FRMPD3: variants seen among roughly 807,000 people sequenced by gnomAD.
The protein encoded by FRMPD3 is FERM and PDZ domain-containing protein 3.
FRMPD3 carries 42 observed loss-of-function variants against 97.9 expected under a neutral mutation model. The observed-to-expected ratio is 0.43, with a 90% CI of 0.34 to 0.55. FRMPD3 has a LOEUF of 0.55. FRMPD3 is among the 20% of genes least tolerant of loss of function. The pLI, the probability that FRMPD3 is intolerant of heterozygous loss-of-function variation, is 0.03. For missense variants in FRMPD3, 1,303 were observed against 1,457.7 expected, an observed-to-expected ratio of 0.89 and a Z score of 1.73; for synonymous variants, 577 against 581.1, an observed-to-expected ratio of 0.99 and a Z score of 0.10.
chrX:107,495,791 A>C (rs1307987101), intron 1 of FRMPD3, among the ~76,000 whole-genome samples: 9 of 112,801 alleles, frequency 8.0e-5, no homozygotes, highest in African/African-American at 2.9e-4. Context: ...TAGTAAACAC[A>C]TAATGACCAC....
chrX:107,587,331 G>A (rs1048884987), intron 13 of FRMPD3, among the ~76,000 whole-genome samples: 6 of 110,227 alleles, frequency 5.4e-5, no homozygotes, highest in Admixed American at 4.9e-4. Flanking sequence ...CTTATTCTGA[G>A]CCTATGTGTG....
At chrX:107,476,165 G>A (rs1449459797) in intron 1 of FRMPD3, among the ~76,000 whole-genome samples, 13 of 112,449 alleles carry the variant, frequency 1.2e-4, no homozygotes, top group African/African-American at 3.6e-4. Context: ...GATTACAGGC[G>A]TGAGCCACCA....
intron 8 of FRMPD3, among the ~76,000 whole-genome samples, chrX:107,559,908 T>C (rs932853844): frequency 1.8e-5 from 2 of 109,199 alleles, no homozygotes; most frequent in Admixed American, 9.8e-5. Context: ...TGGGGGTGAG[T>C]ATAACCCCCA....
In FRMPD3 at chrX:107,533,570, A is replaced by T. The variant is rs889301037; in HGVS notation, c.297+20A>T. 8.4e-7 allele frequency: 1 copy of T among 1,189,347 alleles called. No homozygotes were observed. Among genetic ancestry groups the T allele is most frequent in the Non-Finnish European group, 1.1e-6 (1 of 877,864 alleles). Reference sequence around the variant, plus strand: ...CATCAGGTGAGTGAGCCTCTTTGCCATCTGCCCTTCCTCCTGACTGAGAAG... The same window carrying T: ...CATCAGGTGAGTGAGCCTCTTTGCCTTCTGCCCTTCCTCCTGACTGAGAAG... On this transcript the variant is annotated intron_variant, in intron 4 of 14. Transcript: ENST00000683843.
intron 10 of FRMPD3, among the ~76,000 whole-genome samples, chrX:107,561,655 T>C (rs761955452): frequency 3.5e-4 from 39 of 112,481 alleles, no homozygotes; most frequent in Non-Finnish European, 6.9e-4. Flanking sequence ...TGAGACGCAC[T>C]AGAATCAGCA....
intron 1 of FRMPD3, among the ~76,000 whole-genome samples, chrX:107,477,390 G>A (rs899749943): frequency 8.9e-6 from 1 of 112,098 alleles, no homozygotes; most frequent in Non-Finnish European, 1.9e-5. Flanking sequence ...GAGAACTGTT[G>A]GGGGAGAGGC....
intron 13 of FRMPD3, among the ~76,000 whole-genome samples, chrX:107,584,298 TTTCCTTGTAAATTTGTTTAAG>T (rs1357786020): frequency 8.9e-6 from 1 of 111,989 alleles, no homozygotes; most frequent in Non-Finnish European, 1.9e-5. Flanking sequence ...GTTTGTTTTT[TTTCCTTGTAAATTTGTTTAAG>T]TTCCTTGTAA....
At chrX:107,480,868 A>AAAGGAAGGAAGGAAGG (rs201864947) in intron 1 of FRMPD3, among the ~76,000 whole-genome samples, 2 of 66,677 alleles carry the variant, frequency 3.0e-5, no homozygotes, top group African/African-American at 1.1e-4. Context: ...GGAAAGAAAG[A>AAAGGAAGGAAGGAAGG]AAGGAAGGAA....
At chrX:107,517,121 T>C (rs1281340026) in intron 1 of FRMPD3, among the ~76,000 whole-genome samples, 1 of 112,210 alleles carries the variant, frequency 8.9e-6, no homozygotes, top group Non-Finnish European at 1.9e-5. Flanking sequence ...CAGCACCATT[T>C]ATTAAATAGG....
At chrX:107,491,005 G>A (rs1244236616) in intron 1 of FRMPD3, among the ~76,000 whole-genome samples, 3 of 111,678 alleles carry the variant, frequency 2.7e-5, no homozygotes, top group Non-Finnish European at 5.6e-5. Flanking sequence ...ACAGCGGTGA[G>A]GTAGATGGTG....
chrX:107,603,472 C>A lies in FRMPD3; in HGVS notation c.*99C>A. 1 of 1,096,012 alleles carries A rather than the reference C, an allele frequency of 9.1e-7. No homozygotes were observed. The highest frequency in any genetic ancestry group is 2.4e-5 in the South Asian group (1 of 41,728). 90.3% of individuals were successfully genotyped at this position (1,096,012 alleles called of 1,213,427 possible). ...GGTGAGTGTGTGTGTGTCTGCTGGG[C>A]CAGTCAGGGTCCAAGAGCCCATCAG... On this transcript the variant is annotated 3_prime_UTR_variant, in exon 15 of 15. Coordinates refer to ENST00000683843, the MANE Select transcript of FRMPD3 (RefSeq NM_001388459.1).
At chrX:107,563,615 T>G (rs925367240) in intron 11 of FRMPD3, among the ~76,000 whole-genome samples, 1 of 112,544 alleles carries the variant, frequency 8.9e-6, no homozygotes, top group Non-Finnish European at 1.9e-5. Context: ...AAATTTGAAT[T>G]TCATGTACTT....
At position 107,601,177 on chromosome X, in the gene FRMPD3, C is replaced by T; in HGVS notation, c.3138C>T (p.His1046=). 8.3e-7 allele frequency: 1 copy of T among 1,210,339 alleles called. No individual in the cohort carries two copies. Among genetic ancestry groups the T allele is most frequent in the Non-Finnish European group, 1.1e-6 (1 of 895,050 alleles). The change falls in exon 15 of 15, where the codon CAC becomes CAT. Residue 1046 remains histidine, a synonymous_variant. Transcript: ENST00000683843. Reference sequence around the variant, plus strand: ...CAGGCAGCCGGGCTGACAGCCTGCACCTCTCCCAACAAGAGGACAGTCTGC... The same window carrying T: ...CAGGCAGCCGGGCTGACAGCCTGCATCTCTCCCAACAAGAGGACAGTCTGC... ...APTGSRADSL[H]LSQQEDSLPV... is the part of the protein sequence containing the mutation.
intron 4 of FRMPD3, chrX:107,544,851 G>T (rs973489592): frequency 1.8e-5 from 2 of 111,621 alleles, no homozygotes; most frequent in African/African-American, 6.5e-5. Context: ...GGAGGCTGAG[G>T]CAGGTGGATC....
chrX:107,463,072 C>T (rs113822792), intron 1 of FRMPD3, among the ~76,000 whole-genome samples: 2,994 of 112,128 alleles, frequency 0.027, 92 homozygotes, highest in African/African-American at 0.092. Context: ...ATTGACCTCA[C>T]ACTCAGTGTG....
intron 12 of FRMPD3, among the ~76,000 whole-genome samples, chrX:107,568,584 A>C (rs1392159333): frequency 1.9e-5 from 2 of 103,763 alleles, no homozygotes; most frequent in East Asian, 6.1e-4. Flanking sequence ...AAAAAAAAAA[A>C]TCAGCTGGGC....
At chrX:107,488,424 G>C (rs1921563296) in intron 1 of FRMPD3, among the ~76,000 whole-genome samples, 1 of 112,657 alleles carries the variant, frequency 8.9e-6, no homozygotes, top group Non-Finnish European at 1.9e-5. Flanking sequence ...GACTGTCTGT[G>C]TATCCACTTG....
intron 1 of FRMPD3, among the ~76,000 whole-genome samples, chrX:107,516,818 C>T (rs776025365): frequency 9.1e-6 from 1 of 110,087 alleles, no homozygotes; most frequent in Non-Finnish European, 1.9e-5. Flanking sequence ...TTCTCCCATT[C>T]TGTAGGTTAC....
chrX:107,488,118 C>T (rs946964432), intron 1 of FRMPD3, among the ~76,000 whole-genome samples: 14 of 111,675 alleles, frequency 1.3e-4, no homozygotes, highest in South Asian at 3.8e-4. Flanking sequence ...TAAGCTCTTT[C>T]CTCCGTTGCC....
Sources: gnomAD v4.1 joint callset for allele counts (sites outside exome capture counted in the v4.1 genomes callset) on GRCh38, gnomAD v4.1.1 for gene constraint, MANE v1.5 for transcripts, NCBI Gene and HGNC (gene_info 2026-07-23, HGNC 2026-07-21) for gene names.